USH2A: variants seen among roughly 807,000 people sequenced by gnomAD.
USH2A encodes the protein Usher syndrome 2A (autosomal recessive, mild).
A neutral mutation model predicts 538.9 loss-of-function variants in USH2A; 443 were observed. That is an observed-to-expected ratio of 0.82 (90% confidence interval 0.76 to 0.89). USH2A has a LOEUF of 0.89. USH2A is among the 40% of genes least tolerant of loss of function. The probability of loss-of-function intolerance (pLI) is 0.00; values close to 1 mark genes in which losing one functional copy is unlikely to be tolerated. For missense variants in USH2A, 6,633 were observed against 6,324.8 expected (o/e 1.05, Z -1.65); for synonymous variants, 2,413 against 2,273.5 (o/e 1.06, Z -1.75).
chr1:216,009,688 C>T (rs187404507), intron 32 of USH2A, among the ~76,000 whole-genome samples: 21 of 152,228 alleles, frequency 1.4e-4, no homozygotes, highest in Non-Finnish European at 2.9e-4. Flanking sequence ...CCCCAGACTG[C>T]TCCTCGCCAG....
chr1:216,356,438 A>G (rs559450043), intron 4 of USH2A, among the ~76,000 whole-genome samples: 2 of 152,262 alleles, frequency 1.3e-5, no homozygotes, highest in Non-Finnish European at 2.9e-5. Context: ...AAAGAAATTT[A>G]AAAAGCAATT....
chr1:215,945,769 C>A (rs1009362067), intron 37 of USH2A, among the ~76,000 whole-genome samples: 1 of 152,004 alleles, frequency 6.6e-6, no homozygotes, highest in Non-Finnish European at 1.5e-5. Context: ...AAGAAACTGG[C>A]TAAAAAGCGG....
intron 30 of USH2A, among the ~76,000 whole-genome samples, chr1:216,063,999 G>C (rs1194589602): frequency 6.6e-6 from 1 of 152,174 alleles, no homozygotes; most frequent in African/African-American, 2.4e-5. Context: ...ATCAGTGAGT[G>C]ACAGTGGTGT....
chr1:216,161,907 A>C (rs917806218), intron 21 of USH2A, among the ~76,000 whole-genome samples: 3 of 152,014 alleles, frequency 2.0e-5, no homozygotes, highest in Admixed American at 2.0e-4. Context: ...CTCAGACATC[A>C]TTCTTATTTT....
At chr1:216,214,320 A>G (rs957117815) in intron 15 of USH2A, among the ~76,000 whole-genome samples, 2 of 152,058 alleles carry the variant, frequency 1.3e-5, no homozygotes, top group Non-Finnish European at 2.9e-5. Flanking sequence ...TGGATAAACA[A>G]AATATAGTGT....
At chr1:215,844,874 C>T (rs929069995) in intron 45 of USH2A, among the ~76,000 whole-genome samples, 5 of 152,066 alleles carry the variant, frequency 3.3e-5, no homozygotes, top group Admixed American at 3.3e-4. Context: ...AAATTTGCTC[C>T]TTGAGCAAAA....
intron 34 of USH2A, among the ~76,000 whole-genome samples, chr1:215,997,318 A>G (rs1668163883): frequency 6.6e-6 from 1 of 152,164 alleles, no homozygotes; most frequent in Non-Finnish European, 1.5e-5. Context: ...CATCAACACT[A>G]TTCAGCGGCT....
intron 32 of USH2A, among the ~76,000 whole-genome samples, chr1:216,002,931 G>T (rs1668300492): frequency 6.6e-6 from 1 of 152,052 alleles, no homozygotes; most frequent in African/African-American, 2.4e-5. Flanking sequence ...ATCACAGAGT[G>T]CCCCACTCAC....
chr1:215,631,997 T>C (rs970442903), intron 70 of USH2A, among the ~76,000 whole-genome samples: 5 of 152,194 alleles, frequency 3.3e-5, no homozygotes, highest in East Asian at 1.9e-4. Flanking sequence ...TTTTGTATTA[T>C]ATTATTATTT....
rs2036150943 is a variant in USH2A at position 216,251,050 on chromosome 1, T to C, written c.2020A>G (p.Asn674Asp). 6.2e-7 allele frequency: 1 copy of C among 1,613,960 alleles called. No individual in the cohort carries two copies. The highest frequency in any genetic ancestry group is 1.3e-5 in the African/African-American group (1 of 74,928). ...TTGTAGAATCCATTCTGGCACTGATTGCACTGCCTGCCAGACACGTGTCTC... is the reference window on the plus strand; with the variant it reads ...TTGTAGAATCCATTCTGGCACTGATCGCACTGCCTGCCAGACACGTGTCTC... Reference protein sequence around the residue: ...CKRHVSGRQCNQCQNGFYNLQ... With the variant: ...CKRHVSGRQCDQCQNGFYNLQ... The change falls in exon 12 of 72, where the codon AAT (asparagine) becomes GAT (aspartate). Residue 674 changes from asparagine (N) to aspartate (D), a missense_variant. Coordinates refer to ENST00000307340, the MANE Select transcript of USH2A (RefSeq NM_206933.4).
At chr1:216,376,878 CA>C (rs2038832424) in intron 3 of USH2A, among the ~76,000 whole-genome samples, 1 of 152,082 alleles carries the variant, frequency 6.6e-6, no homozygotes, top group African/African-American at 2.4e-5. Flanking sequence ...ATAAACAAAA[CA>C]GGGGTGAATG....
chr1:215,659,555 T>C (rs1657378013), intron 64 of USH2A, among the ~76,000 whole-genome samples: 1 of 152,320 alleles, frequency 6.6e-6, no homozygotes, highest in South Asian at 2.1e-4. Context: ...ATATATTAAA[T>C]TTTACTTTTT....
At chr1:216,015,165 C>G (rs1346704922) in intron 32 of USH2A, among the ~76,000 whole-genome samples, 1 of 152,208 alleles carries the variant, frequency 6.6e-6, no homozygotes, top group Non-Finnish European at 1.5e-5. Context: ...ATAGGTAGCA[C>G]TGACCACATC....
intron 61 of USH2A, among the ~76,000 whole-genome samples, chr1:215,720,661 G>A (rs1375856086): frequency 2.0e-5 from 3 of 152,172 alleles, no homozygotes; most frequent in South Asian, 2.1e-4. Flanking sequence ...TTTTGTCAAC[G>A]TGATAGGACT....
chr1:216,338,607 A>T (rs2102675135), intron 4 of USH2A, among the ~76,000 whole-genome samples: 1 of 151,664 alleles, frequency 6.6e-6, no homozygotes, highest in South Asian at 2.1e-4. Flanking sequence ...AAATACAAAA[A>T]ATTTTAAAAG....
intron 48 of USH2A, among the ~76,000 whole-genome samples, chr1:215,814,909 T>C (rs1662815613): frequency 6.6e-6 from 1 of 152,134 alleles, no homozygotes; most frequent in African/African-American, 2.4e-5. Flanking sequence ...GTTTTAACAA[T>C]TCCCCCAGGT....
intron 47 of USH2A, among the ~76,000 whole-genome samples, chr1:215,835,288 A>G (rs1663444786): frequency 6.6e-6 from 1 of 150,780 alleles, no homozygotes; most frequent in African/African-American, 2.4e-5. Context: ...AGGGATCCCT[A>G]TATGCTATTA....
At chr1:215,942,121 T>C (rs1274278521) in intron 37 of USH2A, among the ~76,000 whole-genome samples, 1 of 152,006 alleles carries the variant, frequency 6.6e-6, no homozygotes, top group East Asian at 1.9e-4. Context: ...GCTCAGGTGG[T>C]TGTTGATAGT....
intron 20 of USH2A, among the ~76,000 whole-genome samples, chr1:216,186,309 C>T (rs2034602929): frequency 6.6e-6 from 1 of 151,738 alleles, no homozygotes. Flanking sequence ...CTGCTTCAAC[C>T]ATGCTAATTA....
Sources: allele counts gnomAD v4.1 joint callset (sites outside exome capture counted in the v4.1 genomes callset), GRCh38; gene constraint gnomAD v4.1.1; transcripts MANE v1.5; gene names NCBI Gene and HGNC (gene_info 2026-07-23, HGNC 2026-07-21).